Variants in UBR3 observed in about 807,000 individuals in gnomAD.
UBR3 encodes E3 ubiquitin-protein ligase UBR3.
UBR3 carries 85 observed loss-of-function variants against 243.2 expected under a neutral mutation model. The observed-to-expected ratio is 0.35, with a 90% confidence interval of 0.29 to 0.42. UBR3 has a LOEUF of 0.42. UBR3 is among the 10% of genes least tolerant of loss of function. The pLI is 1.00. For synonymous variants in UBR3, 748 were observed against 799.8 expected (o/e 0.94, Z 1.09); for missense variants, 1,686 against 2,300.8 (o/e 0.73, Z 5.47).
chr2:170,081,206 A>T (rs1010070359), intron 38 of UBR3, among the ~76,000 whole-genome samples: 3 of 151,998 alleles, frequency 2.0e-5, no homozygotes, highest in Non-Finnish European at 2.9e-5. Flanking sequence ...AATCTAGTAA[A>T]AAAAGAAATG....
At chr2:169,833,876 C>T (rs1478800494) in intron 1 of UBR3, among the ~76,000 whole-genome samples, 1 of 152,032 alleles carries the variant, frequency 6.6e-6, no homozygotes, top group African/African-American at 2.4e-5. Flanking sequence ...CTCTACCTCC[C>T]AGGCTCAAGT....
intron 24 of UBR3, among the ~76,000 whole-genome samples, chr2:169,982,484 A>G (rs2088784771): frequency 6.6e-6 from 1 of 152,130 alleles, no homozygotes; most frequent in Non-Finnish European, 1.5e-5. Flanking sequence ...TAGAACAGGA[A>G]ATTTTATGTA....
At chr2:169,988,925 C>T (rs1009656102) in intron 25 of UBR3, among the ~76,000 whole-genome samples, 2 of 152,246 alleles carry the variant, frequency 1.3e-5, no homozygotes, top group East Asian at 1.9e-4. Flanking sequence ...CCCATTGATA[C>T]TTTCCCCCTT....
At chr2:169,897,431 C>A (rs1410976337) in intron 8 of UBR3, among the ~76,000 whole-genome samples, 1 of 151,800 alleles carries the variant, frequency 6.6e-6, no homozygotes, top group African/African-American at 2.4e-5. Context: ...CCCTTAAATT[C>A]TATATATATG....
intron 32 of UBR3, among the ~76,000 whole-genome samples, chr2:170,053,175 A>G (rs535008507): frequency 6.6e-6 from 1 of 152,312 alleles, no homozygotes; most frequent in Admixed American, 6.5e-5. Context: ...CTTGGATTTC[A>G]GGAGGGGTCC....
At chr2:170,051,505 C>A (rs11696056) in intron 32 of UBR3, among the ~76,000 whole-genome samples, 4 of 151,850 alleles carry the variant, frequency 2.6e-5, no homozygotes, top group Admixed American at 6.6e-5. Flanking sequence ...CCACCACGCC[C>A]GACTAATTTT....
chr2:169,863,630 T>C (rs2083160190), intron 1 of UBR3, among the ~76,000 whole-genome samples: 1 of 152,228 alleles, frequency 6.6e-6, no homozygotes, highest in African/African-American at 2.4e-5. Flanking sequence ...TCTAGAAAGC[T>C]CTTCTCTTGT....
intron 24 of UBR3, among the ~76,000 whole-genome samples, chr2:169,960,806 G>A (rs554812373): frequency 1.3e-5 from 2 of 152,134 alleles, no homozygotes; most frequent in East Asian, 3.9e-4. Context: ...TTAAAACAAT[G>A]AAGAGTTTGT....
chr2:170,077,891 C>A, intron 36 of UBR3: 1 of 438,404 alleles, frequency 2.3e-6, no homozygotes. Flanking sequence ...TGGCTCTGTT[C>A]AAATAACTCT....
chr2:169,998,583 C>A (rs1217719647), intron 26 of UBR3, among the ~76,000 whole-genome samples: 3 of 152,148 alleles, frequency 2.0e-5, no homozygotes, highest in African/African-American at 4.8e-5. Flanking sequence ...TGGGTTTCTT[C>A]CTGAATTACT....
At chr2:169,941,116 C>T (rs1052694815) in intron 19 of UBR3, among the ~76,000 whole-genome samples, 1 of 152,062 alleles carries the variant, frequency 6.6e-6, no homozygotes, top group Non-Finnish European at 1.5e-5. Context: ...ATTAGTAGCC[C>T]GATACCATGT....
At chr2:169,963,162 T>C (rs1050226295) in intron 24 of UBR3, among the ~76,000 whole-genome samples, 1 of 152,186 alleles carries the variant, frequency 6.6e-6, no homozygotes, top group Admixed American at 6.5e-5. Context: ...CCCTGGATGC[T>C]CTGTTTAGTC....
intron 10 of UBR3, among the ~76,000 whole-genome samples, chr2:169,911,577 G>A (rs1319516059): frequency 3.9e-5 from 6 of 152,084 alleles, no homozygotes; most frequent in Non-Finnish European, 7.4e-5. Context: ...AAATAGGAGA[G>A]AGACAATCAG....
At chr2:169,846,623 T>C (rs2082487268) in intron 1 of UBR3, among the ~76,000 whole-genome samples, 1 of 150,406 alleles carries the variant, frequency 6.6e-6, no homozygotes, top group Non-Finnish European at 1.5e-5. Context: ...GGCAGGAGAA[T>C]CGCTTGAACC....
intron 24 of UBR3, among the ~76,000 whole-genome samples, chr2:169,960,329 T>G (rs371715156): frequency 3.3e-5 from 5 of 152,074 alleles, no homozygotes; most frequent in African/African-American, 1.2e-4. Flanking sequence ...TGTTTAGACT[T>G]GGGTTCCAGC....
Position 170,083,853 on chromosome 2 carries a change from A to G in UBR3, c.*2010A>G, listed in dbSNP as rs888397589. The G allele has an allele frequency of 9.8e-5, 15 of 152,600 alleles. No homozygotes were observed. Among genetic ancestry groups the G allele is most frequent in the African/African-American group, 2.9e-4 (12 of 41,454 alleles). The allele number at this position is 152,600 out of a possible 1,614,324, so 9.5% of individuals were successfully genotyped here. Reference sequence around the variant, plus strand: ...CTTGAATACATACATGCATGCTGCTAAACTAGAACTTTAATTTTTCCCCAT... The same window carrying G: ...CTTGAATACATACATGCATGCTGCTGAACTAGAACTTTAATTTTTCCCCAT... On this transcript the variant is annotated 3_prime_UTR_variant, in exon 39 of 39. Coordinates refer to ENST00000272793, the MANE Select transcript of UBR3 (RefSeq NM_172070.4).
intron 8 of UBR3, among the ~76,000 whole-genome samples, chr2:169,897,395 T>G (rs1231365970): frequency 6.6e-6 from 1 of 152,178 alleles, no homozygotes; most frequent in Non-Finnish European, 1.5e-5. Context: ...CTCATTTCTC[T>G]ATAGTTACTC....
Position 169,889,835 on chromosome 2 carries a change from C to A in UBR3, c.1039-1330C>A, listed in dbSNP as rs2084256647. 2.0e-5 allele frequency among the ~76,000 whole-genome samples: 3 copies of A among 152,194 alleles called. No individual in the cohort carries two copies. The East Asian group carries it at 5.8e-4, about 29-fold the overall frequency. On this transcript the variant is annotated intron_variant, in intron 5 of 38. Coordinates refer to ENST00000272793, the MANE Select transcript of UBR3 (RefSeq NM_172070.4). ...AAGGAAGCTGCACCAGTAAATAGAG[C>A]TCCAGCATGAAGCTGAGGCTACTTT...
intron 31 of UBR3, among the ~76,000 whole-genome samples, chr2:170,037,537 G>A (rs972715963): frequency 2.0e-5 from 3 of 151,946 alleles, no homozygotes; most frequent in Admixed American, 6.6e-5. Context: ...ACAGGTGCAC[G>A]CCACCATGCC....
Sources: gnomAD v4.1 joint callset for allele counts (sites outside exome capture counted in the v4.1 genomes callset) on GRCh38, gnomAD v4.1.1 for gene constraint, MANE v1.5 for transcripts, NCBI Gene and HGNC (gene_info 2026-07-23, HGNC 2026-07-21) for gene names.